Variants in KCNMA1 observed in about 807,000 individuals in gnomAD.
KCNMA1 encodes the protein potassium calcium-activated channel subfamily M alpha 1.
Under a neutral mutation model 140.0 loss-of-function variants are expected in KCNMA1, and 29 were observed. The observed-to-expected ratio is 0.21, with a 90% confidence interval of 0.15 to 0.28. The LOEUF is 0.28. Among genes scored for constraint, KCNMA1 ranks in the 10% least tolerant of loss-of-function variants. The pLI is 1.00. For synonymous variants in KCNMA1, 612 were observed against 611.9 expected (o/e 1.00, Z 0.00); for missense variants, 880 against 1,602.2 (o/e 0.55, Z 7.70).
chr10:76,972,911 T>C (rs1039532850), intron 19 of KCNMA1: 5 of 152,206 alleles, frequency 3.3e-5, no homozygotes, highest in African/African-American at 4.8e-5. Context: ...ATGGATCCTA[T>C]CAATTTCTGC....
chr10:77,471,082 C>T (rs1236870215), intron 1 of KCNMA1, among the ~76,000 whole-genome samples: 1 of 151,658 alleles, frequency 6.6e-6, no homozygotes, highest in Non-Finnish European at 1.5e-5. Flanking sequence ...ACACACAACA[C>T]ATATACAACA....
intron 20 of KCNMA1, among the ~76,000 whole-genome samples, chr10:76,957,548 T>C (rs577681725): frequency 2.0e-5 from 3 of 152,320 alleles, no homozygotes; most frequent in African/African-American, 7.2e-5. Flanking sequence ...GACAGTGGGT[T>C]TTCTATCATT....
intron 2 of KCNMA1, among the ~76,000 whole-genome samples, chr10:77,319,472 G>A (rs946261837): frequency 6.6e-5 from 10 of 152,186 alleles, no homozygotes; most frequent in African/African-American, 1.9e-4. Flanking sequence ...AGTTCCTTGA[G>A]GTAGAAAGGT....
intron 2 of KCNMA1, among the ~76,000 whole-genome samples, chr10:77,386,114 G>T (rs1015157734): frequency 3.0e-4 from 46 of 152,180 alleles, no homozygotes; most frequent in African/African-American, 1.1e-3. Context: ...ATCCAGAGTG[G>T]CACATGGGTG....
intron 2 of KCNMA1, among the ~76,000 whole-genome samples, chr10:77,270,754 T>G (rs2064871298): frequency 6.6e-6 from 1 of 151,954 alleles, no homozygotes; most frequent in Non-Finnish European, 1.5e-5. Context: ...CCTCCCAAAG[T>G]GCTGGGATTA....
chr10:77,067,101 T>C (rs1308964035), intron 14 of KCNMA1, among the ~76,000 whole-genome samples: 1 of 152,214 alleles, frequency 6.6e-6, no homozygotes, highest in Non-Finnish European at 1.5e-5. Flanking sequence ...ATTCTGGGTG[T>C]GTCTTTGAGG....
At chr10:77,620,649 G>T (rs748982637) in intron 1 of KCNMA1, among the ~76,000 whole-genome samples, 5 of 152,134 alleles carry the variant, frequency 3.3e-5, no homozygotes, top group Non-Finnish European at 7.3e-5. Flanking sequence ...TGGGGCTGCC[G>T]TCATAACCCC....
chr10:77,019,854 A>T (rs139827576), intron 16 of KCNMA1: 2 of 152,320 alleles, frequency 1.3e-5, no homozygotes, highest in African/African-American at 4.8e-5. Flanking sequence ...CCCCTTAAAA[A>T]AACTTGCCCT....
chr10:77,510,039 C>T (rs1435333611), intron 1 of KCNMA1, among the ~76,000 whole-genome samples: 1 of 152,120 alleles, frequency 6.6e-6, no homozygotes, highest in Non-Finnish European at 1.5e-5. Flanking sequence ...AGTGTTGCTC[C>T]TTTCTCCCCA....
At chr10:77,600,111 G>A (rs1471386696) in intron 1 of KCNMA1, among the ~76,000 whole-genome samples, 1 of 152,182 alleles carries the variant, frequency 6.6e-6, no homozygotes, top group African/African-American at 2.4e-5. Flanking sequence ...CTGATGCAAA[G>A]ACTCCACATC....
intron 3 of KCNMA1, among the ~76,000 whole-genome samples, chr10:77,191,528 T>A (rs1240784787): frequency 1.3e-5 from 2 of 152,166 alleles, no homozygotes; most frequent in African/African-American, 2.4e-5. Flanking sequence ...ATTCTTCTCA[T>A]GTTTACACTG....
At chr10:77,424,560 G>T (rs182146897) in intron 1 of KCNMA1, among the ~76,000 whole-genome samples, 3 of 151,746 alleles carry the variant, frequency 2.0e-5, no homozygotes, top group Non-Finnish European at 4.4e-5. Flanking sequence ...ATCTCTGAGA[G>T]AGGATTACTC....
intron 1 of KCNMA1, among the ~76,000 whole-genome samples, chr10:77,612,950 A>G (rs899906504): frequency 6.6e-6 from 1 of 151,850 alleles, no homozygotes; most frequent in Admixed American, 6.6e-5. Context: ...CAGGCATGCA[A>G]TAGATGCTCA....
chr10:77,413,156 G>A (rs2096657070), intron 1 of KCNMA1, among the ~76,000 whole-genome samples: 1 of 152,120 alleles, frequency 6.6e-6, no homozygotes, highest in Admixed American at 6.5e-5. Flanking sequence ...ACCTCGCCCG[G>A]CCCCATGTTA....
chr10:77,584,885 T>A (rs1361255447), intron 1 of KCNMA1, among the ~76,000 whole-genome samples: 2 of 152,176 alleles, frequency 1.3e-5, no homozygotes, highest in Admixed American at 1.3e-4. Flanking sequence ...AGCACGCTGT[T>A]CCAGCATCAC....
At chr10:77,439,749 T>C (rs1196580636) in intron 1 of KCNMA1, among the ~76,000 whole-genome samples, 1 of 152,190 alleles carries the variant, frequency 6.6e-6, no homozygotes, top group African/African-American at 2.4e-5. Flanking sequence ...GTGGCCCTGA[T>C]ACCTCCTGTG....
At chr10:77,324,965 CTCTCTCTGTGTGTGTGTGTG>C (rs2083553233) in intron 2 of KCNMA1, among the ~76,000 whole-genome samples, 2 of 106,090 alleles carry the variant, frequency 1.9e-5, no homozygotes, top group East Asian at 2.6e-4. Flanking sequence ...CTCTCTCTCT[CTCTCTCTGTGTGTGTGTGTG>C]TGTGTGTGTG....
intron 1 of KCNMA1, among the ~76,000 whole-genome samples, chr10:77,630,751 A>T (rs1303412684): frequency 6.6e-6 from 1 of 151,950 alleles, no homozygotes; most frequent in Non-Finnish European, 1.5e-5. Flanking sequence ...CTCAGGTCCC[A>T]CACTGGATCT....
intron 19 of KCNMA1, among the ~76,000 whole-genome samples, chr10:76,976,997 T>C (rs1253031002): frequency 2.0e-5 from 3 of 152,176 alleles, no homozygotes; most frequent in African/African-American, 7.2e-5. Context: ...ATTTTTACTT[T>C]ACATCCAACT....
Sources: allele counts gnomAD v4.1 joint callset (sites outside exome capture counted in the v4.1 genomes callset), GRCh38; gene constraint gnomAD v4.1.1; transcripts MANE v1.5; gene names NCBI Gene and HGNC (gene_info 2026-07-23, HGNC 2026-07-21).